The following EPHA5 variants were observed in gnomAD, a reference collection of about 807,000 sequenced individuals.
EPHA5 encodes the protein EPH receptor A5, also known as ephrin type-A receptor 5.
In EPHA5, 60 loss-of-function variants were observed where a neutral mutation model predicts 105.0. The ratio of observed to expected loss-of-function variants is 0.57; its 90% CI spans 0.46 to 0.71. EPHA5 has a LOEUF of 0.71. Ranked by LOEUF, EPHA5 falls within the 30% of genes least tolerant of loss-of-function variation. EPHA5 has a pLI of 0.00. For synonymous variants in EPHA5, 513 were observed against 449.1 expected, an observed-to-expected ratio of 1.14 and a Z score of -1.80; for missense variants, 1,218 against 1,274.7, an observed-to-expected ratio of 0.96 and a Z score of 0.68.
chr4:65,461,978 T>A (rs887368302), intron 5 of EPHA5, among the ~76,000 whole-genome samples: 2 of 152,084 alleles, frequency 1.3e-5, no homozygotes, highest in African/African-American at 4.8e-5. Context: ...ACATGCCGTC[T>A]ACTGGAGAAA....
intron 16 of EPHA5, chr4:65,330,909 T>G (rs990056195): frequency 9.6e-6 from 10 of 1,038,542 alleles, no homozygotes; most frequent in Non-Finnish European, 1.2e-5. Flanking sequence ...GTTATCGGTA[T>G]GAAGGAAGAG....
chr4:65,455,528 G>A (rs934079708), intron 5 of EPHA5, among the ~76,000 whole-genome samples: 1 of 152,108 alleles, frequency 6.6e-6, no homozygotes, highest in African/African-American at 2.4e-5. Context: ...CAGGTAATTA[G>A]TGTAGATTTA....
rs377505678 is a variant in EPHA5, at chr4:65,474,013, C to T, written c.1402+16364G>A. Among the ~76,000 whole-genome samples the T allele has an allele frequency of 9.4e-5, 14 of 148,758 alleles. No individual in the cohort carries two copies. The South Asian group carries it at 2.4e-3, about 25-fold the overall frequency. On this transcript the variant is annotated intron_variant, in intron 5 of 16. Coordinates refer to ENST00000613740, the MANE Select transcript of EPHA5 (RefSeq NM_001281766.3). Reference sequence around the variant, plus strand: ...GGAAGGGGGACATCACACACCGGGGCCTGTTGTGGGGTGGGGGGAGAGGGG... The same window carrying T: ...GGAAGGGGGACATCACACACCGGGGTCTGTTGTGGGGTGGGGGGAGAGGGG...
At position 65,453,978 on chromosome 4, in the gene EPHA5, C is replaced by T. The variant is rs566188263; in HGVS notation, c.1403-33413G>A. Among the ~76,000 whole-genome samples, 5 of 152,180 alleles carry T rather than the reference C, an allele frequency of 3.3e-5. No individual in the cohort carries two copies. In the East Asian group the frequency reaches 7.8e-4, roughly 24 times the overall value. On this transcript the variant is annotated intron_variant, in intron 5 of 16. Coordinates refer to ENST00000613740, the MANE Select transcript of EPHA5 (RefSeq NM_001281766.3). ...GCTGCAGACCCCTACGGATTTGCTG[C>T]CACTAATAATATGAATTGTGGGCCA...
intron 14 of EPHA5, among the ~76,000 whole-genome samples, chr4:65,342,618 G>A (rs547553568): frequency 4.6e-5 from 7 of 150,780 alleles, no homozygotes; most frequent in Non-Finnish European, 1.0e-4. Flanking sequence ...TAAATTATAT[G>A]TATATGAGCA....
chr4:65,512,850 G>C (rs906660884), intron 3 of EPHA5, among the ~76,000 whole-genome samples: 1 of 152,008 alleles, frequency 6.6e-6, no homozygotes, highest in Non-Finnish European at 1.5e-5. Flanking sequence ...AACATGAAAT[G>C]TAAATGAATA....
In EPHA5 at chr4:65,650,299, G is replaced by A. The variant is rs536360214; in HGVS notation, c.182-6872C>T. Among the ~76,000 whole-genome samples the A allele has an allele frequency of 5.9e-5, 9 of 151,666 alleles. No homozygotes were observed. The East Asian group carries it at 1.8e-3, about 30-fold the overall frequency. On this transcript the variant is annotated intron_variant, in intron 1 of 16. Transcript: ENST00000613740. ...GCGGTGGCTCACGCCTGTGATCCCA[G>A]CACTTTGGGAGGCCGAGGCGGGCAG...
rs528036478 is a variant in EPHA5 at position 65,548,362 on chromosome 4, A to G, written c.911-52819T>C. Among the ~76,000 whole-genome samples the G allele has an allele frequency of 3.6e-4, 54 of 150,982 alleles. 1 individual carries two copies. The highest frequency in any genetic ancestry group is 3.2e-3 in the Admixed American group (49 of 15,108). On this transcript the variant is annotated intron_variant, in intron 3 of 16. Coordinates refer to ENST00000613740, the MANE Select transcript of EPHA5 (RefSeq NM_001281766.3). ...AGTCAACTGAAATATAAGTAGGAGG[A>G]AAAAAATTCCAGATCAAAATATAGA...
chr4:65,411,195 A>G (rs1278917017), intron 7 of EPHA5, among the ~76,000 whole-genome samples: 5 of 151,814 alleles, frequency 3.3e-5, no homozygotes, highest in Admixed American at 2.6e-4. Context: ...ATAATTGGAG[A>G]TTTTCTACCC....
intron 5 of EPHA5, among the ~76,000 whole-genome samples, chr4:65,485,448 A>G (rs28637421): frequency 0.045 from 6,856 of 152,218 alleles, 217 homozygotes; most frequent in African/African-American, 0.09. Context: ...ATAAATTTGA[A>G]CCAATTCTAG....
Position 65,642,877 on chromosome 4 carries a change from T to C in EPHA5, c.246+486A>G, listed in dbSNP as rs943012512. Among the ~76,000 whole-genome samples the C allele has an allele frequency of 4.6e-5, 7 of 152,046 alleles. 1 individual carries two copies. The highest frequency in any genetic ancestry group is 9.7e-5 in the African/African-American group (4 of 41,446). ...AATCTTTTTTTATCTCAATGTCATT[T>C]AAAGGAATTTCTTATAATATTTTTT... On this transcript the variant is annotated intron_variant, in intron 2 of 16. Transcript: ENST00000613740.
intron 8 of EPHA5, among the ~76,000 whole-genome samples, chr4:65,395,918 C>T (rs1721182698): frequency 6.6e-6 from 1 of 152,120 alleles, no homozygotes; most frequent in Non-Finnish European, 1.5e-5. Flanking sequence ...GGAGGTGAGG[C>T]CATGGTTATG....
chr4:65,498,808 T>A (rs1289845507), intron 3 of EPHA5, among the ~76,000 whole-genome samples: 1 of 151,610 alleles, frequency 6.6e-6, no homozygotes, highest in Non-Finnish European at 1.5e-5. Context: ...TGCAAATAGA[T>A]GTTTAGAGAG....
At chr4:65,469,632 A>G (rs1434705351) in intron 5 of EPHA5, among the ~76,000 whole-genome samples, 1 of 152,212 alleles carries the variant, frequency 6.6e-6, no homozygotes, top group East Asian at 1.9e-4. Flanking sequence ...AGAGGATCAG[A>G]TTCAGGAGAA....
At chr4:65,412,776 G>C (rs1723033291) in intron 7 of EPHA5, among the ~76,000 whole-genome samples, 1 of 152,012 alleles carries the variant, frequency 6.6e-6, no homozygotes, top group Non-Finnish European at 1.5e-5. Context: ...ATTGAGTTTT[G>C]GTGTGCCTGG....
intron 3 of EPHA5, among the ~76,000 whole-genome samples, chr4:65,505,129 T>G (rs1175113545): frequency 6.6e-6 from 1 of 152,022 alleles, no homozygotes; most frequent in South Asian, 2.1e-4. Context: ...GATTTGAGAA[T>G]TGGAAAGAAG....
rs760458530 is a variant in EPHA5 at position 65,630,058 on chromosome 4, C to A, written c.246+13305G>T. Among the ~76,000 whole-genome samples the A allele has an allele frequency of 7.1e-5, 7 of 98,358 alleles. 1 individual carries two copies. The highest frequency in any genetic ancestry group is 6.0e-4 in the Admixed American group (5 of 8,382). 64.5% of individuals were successfully genotyped at this position (98,358 alleles called of 152,430 possible). The stretch of plus-strand genomic sequence containing the variant: ...ATAGCAGAAGAAGCCTCCCTCTACA[C>A]ACACACACACTCTCTCTCTCTCTCA... On this transcript the variant is annotated intron_variant, in intron 2 of 16. Transcript: ENST00000613740.
intron 8 of EPHA5, among the ~76,000 whole-genome samples, chr4:65,386,180 G>C (rs924246307): frequency 6.6e-6 from 1 of 151,862 alleles, no homozygotes. Context: ...AATCCCACTA[G>C]TTTTAATGGG....
chr4:65,551,071 T>C lies in EPHA5; in HGVS notation c.910+50570A>G, dbSNP rs532490425. On this transcript the variant is annotated intron_variant, in intron 3 of 16. Coordinates refer to ENST00000613740, the MANE Select transcript of EPHA5 (RefSeq NM_001281766.3). ...ATGTGTAGTTACATATTTGTACATA[T>C]ACACACGTATGTATATTCACATATA... Among the ~76,000 whole-genome samples the C allele has an allele frequency of 3.3e-5, 5 of 152,042 alleles. No homozygotes were observed. The South Asian group carries it at 1.0e-3, about 32-fold the overall frequency.
Sources: gnomAD v4.1 joint callset for allele counts (sites outside exome capture counted in the v4.1 genomes callset) on GRCh38, gnomAD v4.1.1 for gene constraint, MANE v1.5 for transcripts, NCBI Gene and HGNC (gene_info 2026-07-23, HGNC 2026-07-21) for gene names.